ROPN1B: variants seen among roughly 807,000 people sequenced by gnomAD.
ROPN1B encodes the protein rhophilin associated tail protein 1B.
A neutral mutation model predicts 23.7 loss-of-function variants in ROPN1B; 13 were observed. That is an observed-to-expected ratio of 0.55 (90% CI 0.36 to 0.87). The LOEUF (loss-of-function observed/expected upper bound fraction) is 0.87. Among genes scored for constraint, ROPN1B ranks in the 40% least tolerant of loss-of-function variants. The probability of loss-of-function intolerance (pLI) is 0.01; values close to 1 mark genes in which losing one functional copy is unlikely to be tolerated. For synonymous variants in ROPN1B, 67 were observed against 100.4 expected (o/e 0.67, Z 1.99); for missense variants, 183 against 249.2 (o/e 0.73, Z 1.79).
At chr3:125,982,528 T>C in intron 6 of ROPN1B, 83 bp downstream of exon 6, 3 of 1,188,476 alleles carry the variant, frequency 2.5e-6, no homozygotes, top group Non-Finnish European at 3.5e-6. Context: ...GATTATTGTA[T>C]TATACTGCTC....
At chr3:125,972,242 G>T in intron 3 of ROPN1B, 72 bp downstream of exon 3, 1 of 1,481,060 alleles carries the variant, frequency 6.8e-7, no homozygotes, top group Non-Finnish European at 9.4e-7. Context: ...AACCGCGGAG[G>T]TTGTCATGGC....
chr3:125,975,123 C>A (rs887686680), intron 3 of ROPN1B, among the ~76,000 whole-genome samples: 1 of 152,140 alleles, frequency 6.6e-6, no homozygotes, highest in Non-Finnish European at 1.5e-5. Context: ...GATTACAGGC[C>A]GTAGCCACCA....
intron 1 of ROPN1B, among the ~76,000 whole-genome samples, chr3:125,970,601 C>A (rs923488526): frequency 2.0e-5 from 3 of 151,746 alleles, no homozygotes; most frequent in African/African-American, 7.3e-5. Context: ...TCCTTTCTTC[C>A]CCCCTCTCCG....
intron 5 of ROPN1B, among the ~76,000 whole-genome samples, chr3:125,980,657 A>G (rs889023413): frequency 6.6e-6 from 1 of 152,192 alleles, no homozygotes; most frequent in Non-Finnish European, 1.5e-5. Flanking sequence ...GCTTTGACAT[A>G]TGAATTTTAG....
chr3:125,980,345 T>C (rs1170599384), intron 5 of ROPN1B, among the ~76,000 whole-genome samples: 1 of 152,232 alleles, frequency 6.6e-6, no homozygotes, highest in East Asian at 1.9e-4. Flanking sequence ...GCCCCTATGT[T>C]AGTTTGTTAG....
At chr3:125,973,427 T>C (rs546477622) in intron 3 of ROPN1B, 35 of 174,912 alleles carry the variant, frequency 2.0e-4, no homozygotes, top group Non-Finnish European at 3.6e-4. Flanking sequence ...CTGTTTAGTT[T>C]TCCATTCTAA....
intron 1 of ROPN1B, chr3:125,970,208 G>A (rs1396194958): frequency 6.6e-6 from 1 of 151,862 alleles, no homozygotes; most frequent in Non-Finnish European, 1.5e-5. Context: ...ATCAGGGAAG[G>A]TTAAGCAGAC....
intron 1 of ROPN1B, chr3:125,970,263 C>T (rs1461675117): frequency 6.6e-6 from 1 of 152,198 alleles, no homozygotes. Flanking sequence ...GAATGCATTC[C>T]AAACAAGAGT....
At chr3:125,972,211 C>A (rs766141327) in intron 3 of ROPN1B, 41 bp downstream of exon 3, 7 of 1,604,360 alleles carry the variant, frequency 4.4e-6, no homozygotes, top group Middle Eastern at 1.6e-4. Context: ...GGAGGACGGG[C>A]GGGGAGAGAG....
chr3:125,977,890 A>T (rs1428347083), intron 5 of ROPN1B: 1 of 152,430 alleles, frequency 6.6e-6, no homozygotes, highest in Non-Finnish European at 1.5e-5. Flanking sequence ...GATACATAAA[A>T]GTTTGAAAAT....
At chr3:125,976,845 T>TA (rs1938432024) in intron 4 of ROPN1B, 159 bp from the exon 5 acceptor site, 1 of 881,022 alleles carries the variant, frequency 1.1e-6, no homozygotes, top group Non-Finnish European at 1.9e-6. Flanking sequence ...TTTGCAAAGG[T>TA]AACTGCCACA....
At chr3:125,970,350 C>T (rs182940853) in intron 1 of ROPN1B, among the ~76,000 whole-genome samples, 2 of 152,106 alleles carry the variant, frequency 1.3e-5, no homozygotes, top group African/African-American at 4.8e-5. Flanking sequence ...GGTTCCAAGC[C>T]GCTCATAGAA....
intron 1 of ROPN1B, among the ~76,000 whole-genome samples, chr3:125,970,605 CT>C (rs1435638670): frequency 2.6e-5 from 4 of 151,982 alleles, no homozygotes; most frequent in African/African-American, 9.7e-5. Context: ...TTCTTCCCCC[CT>C]CTCCGAGAAA....
intron 4 of ROPN1B, among the ~76,000 whole-genome samples, chr3:125,976,167 C>T (rs981958148): frequency 2.6e-5 from 4 of 152,128 alleles, no homozygotes; most frequent in South Asian, 4.1e-4. Context: ...GAGGAGGGTC[C>T]GGCTTGAGAA....
intron 3 of ROPN1B, chr3:125,973,282 C>T: frequency 5.8e-6 from 2 of 342,792 alleles, no homozygotes; most frequent in Middle Eastern, 1.1e-3. Flanking sequence ...CTAAGAGGGG[C>T]CTTTCGGAGT....
chr3:125,972,016 C>T (rs376269226), intron 2 of ROPN1B, 27 bp from the exon 3 acceptor site: 20 of 1,602,020 alleles, frequency 1.2e-5, no homozygotes, highest in Non-Finnish European at 1.7e-5. Context: ...AAGTTTTCAT[C>T]TTATGTATTT....
At chr3:125,978,519 C>A (rs1938502715) in intron 5 of ROPN1B, among the ~76,000 whole-genome samples, 3 of 152,222 alleles carry the variant, frequency 2.0e-5, no homozygotes, top group African/African-American at 7.2e-5. Context: ...ACCACGCTCT[C>A]TTCTCCAAGA....
At chr3:125,970,645 A>C (rs994629284) in intron 1 of ROPN1B, among the ~76,000 whole-genome samples, 8 of 152,204 alleles carry the variant, frequency 5.3e-5, no homozygotes, top group African/African-American at 1.9e-4. Context: ...AAATACTAAA[A>C]AAATTTTAAA....
chr3:125,983,285 G>C lies in ROPN1B; in HGVS notation c.604G>C (p.Asp202His). ...IGPDGLITVN[D>H]FTQNPRVWLE is the part of the protein sequence containing the mutation. ...TCCTGATGGTTTAATCACGGTGAAT[G>C]ACTTTACCCAAAACCCCAGGGTTTG... Residue 202 changes from aspartate (D) to histidine (H), a missense_variant, in exon 7 of 7, where the codon GAC becomes CAC. Physicochemically the swap from Asp to His is moderately conservative, Grantham distance 81. Transcript: ENST00000514116. 4 of 1,613,744 alleles carry C rather than the reference G, an allele frequency of 2.5e-6. No homozygotes were observed. The highest frequency in any genetic ancestry group is 3.4e-6 in the Non-Finnish European group (4 of 1,179,718).
Sources: allele counts gnomAD v4.1 joint callset (sites outside exome capture counted in the v4.1 genomes callset), GRCh38; gene constraint gnomAD v4.1.1; transcripts MANE v1.5; gene names NCBI Gene and HGNC (gene_info 2026-07-23, HGNC 2026-07-21).